The following SLC12A1 variants were observed in gnomAD, a reference collection of about 807,000 sequenced individuals.
SLC12A1 encodes solute carrier family 12 member 1, also known as Na-K-2Cl cotransporter.
Under a neutral mutation model 130.4 loss-of-function variants are expected in SLC12A1, and 89 were observed. That is an observed-to-expected ratio of 0.68 (90% confidence interval 0.58 to 0.81). The LOEUF (loss-of-function observed/expected upper bound fraction) is 0.81, where lower values mean the gene tolerates loss of function less well. Among genes scored for constraint, SLC12A1 ranks in the 40% least tolerant of loss-of-function variants. SLC12A1 has a pLI of 0.00. For missense variants in SLC12A1, 1,310 were observed against 1,336.4 expected (o/e 0.98, Z 0.31); for synonymous variants, 499 against 460.0 (o/e 1.08, Z -1.09).
intron 1 of SLC12A1, among the ~76,000 whole-genome samples, chr15:48,207,317 T>G (rs1458029333): frequency 6.6e-6 from 1 of 152,240 alleles, no homozygotes; most frequent in Non-Finnish European, 1.5e-5. Context: ...AACATTTTAA[T>G]GACTGCATTG....
chr15:48,227,445 T>C, intron 5 of SLC12A1: 4 of 440,674 alleles, frequency 9.1e-6, no homozygotes, highest in Non-Finnish European at 1.7e-5. Flanking sequence ...TAGCAAAATA[T>C]ATGGTTTCTT....
Position 48,247,415 on chromosome 15 carries a change from G to T in SLC12A1, c.1639G>T (p.Gly547Ter). 1 of 1,609,482 alleles carries T rather than the reference G, an allele frequency of 6.2e-7. No individual in the cohort carries two copies. Among genetic ancestry groups the T allele is most frequent in the South Asian group, 1.1e-5 (1 of 90,904 alleles). The change falls in exon 13 of 27, where the codon GGA becomes TGA. Residue 547 changes from glycine to a stop codon, truncating the protein, a stop_gained. Transcript: ENST00000380993. LOFTEE classifies it high-confidence loss of function. ...TGGGAAAAACAATGAACCCCTGAGA[G>T]GATATATTCTCACTTTTCTTATAGC... ...GYGKNNEPLRGYILTFLIAMA... is the reference protein window; with the variant it reads ...GYGKNNEPLR
At chr15:48,299,515 C>T (rs2042210752) in intron 25 of SLC12A1, among the ~76,000 whole-genome samples, 1 of 152,116 alleles carries the variant, frequency 6.6e-6, no homozygotes, top group Admixed American at 6.5e-5. Flanking sequence ...GTTATTGGTA[C>T]ATATTGTGAA....
intron 21 of SLC12A1, among the ~76,000 whole-genome samples, chr15:48,286,024 A>C (rs1452253786): frequency 6.6e-6 from 1 of 152,202 alleles, no homozygotes; most frequent in Non-Finnish European, 1.5e-5. Flanking sequence ...AGGCCAGGAA[A>C]AGATGGTTTC....
chr15:48,290,148 A>C (rs1193902970), intron 23 of SLC12A1, among the ~76,000 whole-genome samples: 1 of 151,958 alleles, frequency 6.6e-6, no homozygotes, highest in Non-Finnish European at 1.5e-5. Flanking sequence ...TTTCTTTTTA[A>C]ATATTTTTGT....
chr15:48,270,644 T>C (rs1949328705), intron 19 of SLC12A1, among the ~76,000 whole-genome samples: 1 of 140,174 alleles, frequency 7.1e-6, no homozygotes, highest in African/African-American at 2.6e-5. Context: ...CTCCAAAGTA[T>C]TTCATATATA....
intron 23 of SLC12A1, among the ~76,000 whole-genome samples, chr15:48,291,472 A>G (rs564607292): frequency 3.9e-4 from 59 of 152,302 alleles, no homozygotes; most frequent in Middle Eastern, 3.4e-3. Flanking sequence ...CTGTCTTTCA[A>G]ATAATAAGAA....
At chr15:48,223,986 C>G (rs377676645) in intron 4 of SLC12A1, 2 of 152,478 alleles carry the variant, frequency 1.3e-5, no homozygotes, top group South Asian at 2.1e-4. Context: ...AAAGAACCAG[C>G]CTTTAATACC....
intron 16 of SLC12A1, 32 bp from the exon 17 acceptor site, chr15:48,259,168 G>C (rs35286394): frequency 6.2e-5 from 86 of 1,382,324 alleles, no homozygotes; most frequent in Non-Finnish European, 7.9e-5. Flanking sequence ...TTCTTGCAGG[G>C]GCTCATTTTC....
chr15:48,243,986 C>T (rs1446559592), intron 10 of SLC12A1, among the ~76,000 whole-genome samples: 1 of 152,080 alleles, frequency 6.6e-6, no homozygotes, highest in African/African-American at 2.4e-5. Context: ...TAAGGGAATG[C>T]CAGTGATTAA....
chr15:48,247,316 T>G (rs371586666), intron 12 of SLC12A1, 21 bp from the exon 13 acceptor site: 12 of 1,594,036 alleles, frequency 7.5e-6, no homozygotes, highest in Admixed American at 3.7e-5. Flanking sequence ...ATGACAAATT[T>G]CTTCTCTTCT....
Position 48,267,575 on chromosome 15 carries a change from G to T in SLC12A1, c.2169G>T (p.Leu723=), listed in dbSNP as rs148372606. The change falls in exon 18 of 27, where the codon CTG becomes CTT. Residue 723 remains leucine (L), a synonymous_variant. Transcript: ENST00000380993. ...CCEVFVGPRK[L]CVKEMNSGMA... Reference sequence around the variant, plus strand: ...GTGTCACACAGGGACCGCGCAAACTGTGTGTTAAGGAGATGAACAGTGGCA... The same window carrying T: ...GTGTCACACAGGGACCGCGCAAACTTTGTGTTAAGGAGATGAACAGTGGCA... 22 of 1,613,450 alleles carry T rather than the reference G, an allele frequency of 1.4e-5. No individual in the cohort carries two copies. In the African/African-American group the frequency reaches 2.7e-4, roughly 20 times the overall value.
rs1406666578 is a variant in SLC12A1, at chr15:48,240,089, A to C, written c.1216-1426A>C. On this transcript the variant is annotated intron_variant, in intron 9 of 26. Coordinates refer to ENST00000380993, the MANE Select transcript of SLC12A1 (RefSeq NM_000338.3). ...TATATATCCATATATATATATATAT[A>C]TCCATATATATATATATATATCCAT... 2.2e-4 allele frequency among the ~76,000 whole-genome samples: 22 copies of C among 98,090 alleles called. No individual in the cohort carries two copies. In the East Asian group the frequency reaches 3.8e-3, roughly 17 times the overall value. The allele number at this position is 98,090 out of a possible 152,430, so 64.4% of individuals were successfully genotyped here.
chr15:48,294,128 C>T (rs1282927263), intron 24 of SLC12A1, among the ~76,000 whole-genome samples: 1 of 151,506 alleles, frequency 6.6e-6, no homozygotes, highest in Admixed American at 6.6e-5. Context: ...GGCAGCAGAT[C>T]AGCTGAAGTG....
chr15:48,283,498 G>A (rs901063257), intron 20 of SLC12A1, among the ~76,000 whole-genome samples: 2 of 152,208 alleles, frequency 1.3e-5, no homozygotes, highest in African/African-American at 4.8e-5. Context: ...AACCTTTGAA[G>A]CTTTGGGGAA....
rs758138540 is a variant in SLC12A1 at position 48,269,682 on chromosome 15, C to G, written c.2320C>G (p.Pro774Ala). 6 of 1,611,182 alleles carry G rather than the reference C, an allele frequency of 3.7e-6. No homozygotes were observed. Among genetic ancestry groups the G allele is most frequent in the Non-Finnish European group, 1.7e-6 (2 of 1,177,876 alleles). ...GGCCTCAGGCTTAGGAAGAATGAAA[C>G]CAAACACTCTGGTGATTGGATATAA... is the stretch of plus-strand genomic sequence containing the variant. ...LQASGLGRMKPNTLVIGYKKN... is the reference protein window; with the variant it reads ...LQASGLGRMKANTLVIGYKKN... Residue 774 changes from proline to alanine, a missense_variant, in exon 19 of 27, where the codon CCA (proline) becomes GCA (alanine). Pro to Ala is a conservative substitution (Grantham distance 27). Transcript: ENST00000380993.
rs114656591 is a variant in SLC12A1 at position 48,247,238 on chromosome 15, A to G, written c.1561-99A>G. 522 of 1,247,626 alleles carry G rather than the reference A, an allele frequency of 4.2e-4. No individual in the cohort carries two copies. In the African/African-American group the frequency reaches 7.4e-3, roughly 18 times the overall value. The allele number at this position is 1,247,626 out of a possible 1,614,324, so 77.3% of individuals were successfully genotyped here. On this transcript the variant is annotated intron_variant, in intron 12 of 26. Coordinates refer to ENST00000380993, the MANE Select transcript of SLC12A1 (RefSeq NM_000338.3). ...TGTTAACTTGTGCCTCATCTTGTGTATCACTTAATCTTTCCCCAAATCTTC... is the reference window on the plus strand; with the variant it reads ...TGTTAACTTGTGCCTCATCTTGTGTGTCACTTAATCTTTCCCCAAATCTTC...
Position 48,285,211 on chromosome 15 carries a change from C to T in SLC12A1, c.2591C>T (p.Ala864Val), listed in dbSNP as rs749698140. The change falls in exon 21 of 27, where the codon GCT (alanine) becomes GTT (valine). Residue 864 changes from alanine to valine, a missense_variant. By Grantham distance (64) the Ala-to-Val change is moderately conservative (BLOSUM62 0). Transcript: ENST00000380993. ...SGGIRGLFKK[A>V]GKLNITKTTP... is the part of the protein sequence containing the mutation. Reference sequence around the variant, plus strand: ...GGCATCCGAGGCTTGTTTAAAAAAGCTGGCAAGTTGAACATTACTAAGACA... The same window carrying T: ...GGCATCCGAGGCTTGTTTAAAAAAGTTGGCAAGTTGAACATTACTAAGACA... 6.2e-7 allele frequency: 1 copy of T among 1,613,858 alleles called. No homozygotes were observed. Among genetic ancestry groups the T allele is most frequent in the Non-Finnish European group, 8.5e-7 (1 of 1,179,820 alleles).
Position 48,274,622 on chromosome 15 carries a change from A to G in SLC12A1, c.2454A>G (p.Gly818=). 6.2e-7 allele frequency: 1 copy of G among 1,613,148 alleles called. No homozygotes were observed. The highest frequency in any genetic ancestry group is 1.3e-5 in the African/African-American group (1 of 75,038). ...TGGTTATAGTCAGAATCAGCCAAGG[A>G]TTTGACATCTCTCAGGTTCTTCAGG... The part of the protein sequence containing the change: ...IGVVIVRISQ[G]FDISQVLQVQ... The change falls in exon 20 of 27, where the codon GGA becomes GGG. Residue 818 remains glycine (G), a synonymous_variant. Transcript: ENST00000380993.
Sources: gnomAD v4.1 joint callset for allele counts (sites outside exome capture counted in the v4.1 genomes callset) on GRCh38, gnomAD v4.1.1 for gene constraint, MANE v1.5 for transcripts, NCBI Gene and HGNC (gene_info 2026-07-23, HGNC 2026-07-21) for gene names.